The following NTSR2 variants were observed in gnomAD, a reference collection of about 807,000 sequenced individuals.
NTSR2 encodes neurotensin receptor 2.
In NTSR2, 22 loss-of-function variants were observed where a neutral mutation model predicts 24.1. The observed-to-expected ratio is 0.91, with a 90% CI of 0.65 to 1.30. The LOEUF (loss-of-function observed/expected upper bound fraction) is 1.30, where lower values mean the gene tolerates loss of function less well. NTSR2 is among the 50% of genes most tolerant of loss of function. NTSR2 has a pLI of 0.00. For synonymous variants in NTSR2, 291 were observed against 267.0 expected (o/e 1.09, Z -0.88); for missense variants, 570 against 570.4 (o/e 1.00, Z 0.01).
intron 2 of NTSR2, among the ~76,000 whole-genome samples, chr2:11,660,557 GGT>G (rs1017055360): frequency 1.3e-5 from 2 of 152,198 alleles, no homozygotes; most frequent in Middle Eastern, 3.2e-3. Flanking sequence ...GTTGAGGTCA[GGT>G]GTTTGAGACC....
chr2:11,660,077 T>G lies in NTSR2; in HGVS notation c.955A>C (p.Met319Leu). Reference sequence around the variant, plus strand: ...GCGTCATCAGGTACGTAGCAGTACATGAGCCTGCGGGCATGGTACGGCAGC... The same window carrying G: ...GCGTCATCAGGTACGTAGCAGTACAGGAGCCTGCGGGCATGGTACGGCAGC... The part of the protein sequence containing the change: ...CWLPYHARRL[M>L]YCYVPDDAWT... The change falls in exon 3 of 4, where the codon ATG (methionine) becomes CTG (leucine). Residue 319 changes from methionine (M) to leucine (L), a missense_variant. Coordinates refer to ENST00000306928, the MANE Select transcript of NTSR2 (RefSeq NM_012344.4). The G allele has an allele frequency of 1.2e-6, 2 of 1,613,956 alleles. No homozygotes were observed. The highest frequency in any genetic ancestry group is 1.7e-6 in the Non-Finnish European group (2 of 1,180,000).
At chr2:11,661,079 C>T (rs1661061863) in intron 2 of NTSR2, among the ~76,000 whole-genome samples, 1 of 152,278 alleles carries the variant, frequency 6.6e-6, no homozygotes, top group East Asian at 1.9e-4. Flanking sequence ...CAGGGTAGCC[C>T]CTGGACCAGC....
At chr2:11,668,393 A>G (rs545844217) in intron 1 of NTSR2, among the ~76,000 whole-genome samples, 2 of 152,286 alleles carry the variant, frequency 1.3e-5, no homozygotes, top group South Asian at 4.1e-4. Context: ...TTCCATCTGC[A>G]GGAAGCAGCT....
intron 1 of NTSR2, among the ~76,000 whole-genome samples, chr2:11,666,677 G>A (rs1019822143): frequency 1.3e-5 from 2 of 152,176 alleles, no homozygotes; most frequent in Non-Finnish European, 2.9e-5. Flanking sequence ...CCAGCCTGGC[G>A]ACAGAGTGAG....
rs745533813 is a variant in NTSR2, at chr2:11,658,592, T to C, written c.1120A>G (p.Ser374Gly). The C allele has an allele frequency of 1.2e-6, 2 of 1,614,194 alleles. No homozygotes were observed. Among genetic ancestry groups the C allele is most frequent in the South Asian group, 1.1e-5 (1 of 91,068 alleles). ...SFRKLFLEAV[S>G]SLCGEHHPMK... Reference sequence around the variant, plus strand: ...GGGTGGTGCTCTCCACACAGGGAGCTGACGGCTTCCAGGAAGAGTTTTCTG... The same window carrying C: ...GGGTGGTGCTCTCCACACAGGGAGCCGACGGCTTCCAGGAAGAGTTTTCTG... The change falls in exon 4 of 4, where the codon AGC (serine) becomes GGC (glycine). Residue 374 changes from serine (S) to glycine (G), a missense_variant. Coordinates refer to ENST00000306928, the MANE Select transcript of NTSR2 (RefSeq NM_012344.4).
intron 3 of NTSR2, 125 bp from the exon 4 acceptor site, chr2:11,658,847 G>A: frequency 8.8e-7 from 1 of 1,141,862 alleles, no homozygotes; most frequent in Non-Finnish European, 1.2e-6. Flanking sequence ...CTATCAGGAA[G>A]CACAGTGTTT....
In NTSR2 at chr2:11,670,157, C is replaced by A; in HGVS notation, c.-28G>T. On this transcript the variant is annotated 5_prime_UTR_variant, in exon 1 of 4. The change creates a new upstream start codon in the 5' untranslated region. Coordinates refer to ENST00000306928, the MANE Select transcript of NTSR2 (RefSeq NM_012344.4). ...CGCTCCCGCGGCCGGCGCTCCCTCC[C>A]TCTCACTGCCCGGAGTCTGGGCGAG... 7.3e-7 allele frequency: 1 copy of A among 1,360,898 alleles called. No individual in the cohort carries two copies. Among genetic ancestry groups the A allele is most frequent in the South Asian group, 1.8e-5 (1 of 54,860 alleles). The allele number at this position is 1,360,898 out of a possible 1,614,324, so 84.3% of individuals were successfully genotyped here. A position where few individuals can be genotyped will look rare whatever the true frequency, so the allele number is the denominator to read the frequency against.
chr2:11,659,635 T>G (rs1277278605), intron 3 of NTSR2, among the ~76,000 whole-genome samples: 16 of 152,176 alleles, frequency 1.1e-4, no homozygotes. Context: ...AGGGGGTGCA[T>G]GTCTTGGTCT....
intron 1 of NTSR2, 50 bp downstream of exon 1, chr2:11,669,456 C>CCCCGGGGCGGGGGGGGGG: frequency 3.0e-6 from 1 of 331,924 alleles, no homozygotes; most frequent in Non-Finnish European, 5.4e-6. Context: ...CTCCTCCCAG[C>CCCCGGGGCGGGGGGGGGG]ACCGCCCCCC....
At position 11,662,206 on chromosome 2, in the gene NTSR2, G is replaced by A. The variant is rs746312529; in HGVS notation, c.659C>T (p.Ala220Val). 1 of 1,551,114 alleles carries A rather than the reference G, an allele frequency of 6.4e-7. No individual in the cohort carries two copies. The highest frequency in any genetic ancestry group is 8.7e-7 in the Non-Finnish European group (1 of 1,148,086). ...GACCCCATTCAGGAAAGCAGTTAGT[G>A]CCAAGGGGAGCACGAAGGACACCAG... is the stretch of plus-strand genomic sequence containing the variant. Reference protein sequence around the residue: ...NVLVSFVLPLALTAFLNGVTV... With the variant: ...NVLVSFVLPLVLTAFLNGVTV... Residue 220 changes from alanine to valine, a missense_variant, in exon 2 of 4, where the codon GCA (alanine) becomes GTA (valine). Ala to Val is a moderately conservative substitution (Grantham distance 64). Transcript: ENST00000306928.
chr2:11,669,459 C>CGGGGGGGGGGGGGGGGGGGGGGGGGGGG, intron 1 of NTSR2, 47 bp downstream of exon 1: 5 of 337,892 alleles, frequency 1.5e-5, no homozygotes, highest in East Asian at 4.3e-5. Flanking sequence ...CTCCCAGCAC[C>CGGGGGGGGGGGGGGGGGGGGGGGGGGGG]GCCCCCCCAC....
intron 1 of NTSR2, among the ~76,000 whole-genome samples, chr2:11,667,110 T>A (rs187758110): frequency 6.6e-6 from 1 of 152,292 alleles, no homozygotes; most frequent in Admixed American, 6.5e-5. Context: ...CAGAGGCCTC[T>A]TTCTGAGTCT....
Position 11,658,553 on chromosome 2 carries a change from G to A in NTSR2, c.1159C>T (p.Pro387Ser), listed in dbSNP as rs773177188. 1.8e-5 allele frequency: 29 copies of A among 1,614,108 alleles called. No individual in the cohort carries two copies. The highest frequency in any genetic ancestry group is 4.4e-5 in the South Asian group (4 of 91,086). The change falls in exon 4 of 4, where the codon CCC becomes TCC. Residue 387 changes from proline (P) to serine (S), a missense_variant. Transcript: ENST00000306928. ...AGGGTGGGACTCTGGGGCTTCGGGG[G>A]TAACCGCTTCATGGGGTGGTGCTCT... ...CGEHHPMKRL[P>S]PKPQSPTLMD...
At chr2:11,658,825 G>T in intron 3 of NTSR2, 103 bp from the exon 4 acceptor site, 1 of 1,330,508 alleles carries the variant, frequency 7.5e-7, no homozygotes, top group Non-Finnish European at 1.0e-6. Context: ...GCATGACGAA[G>T]CCTATTTTCT....
At position 11,669,507 on chromosome 2, in the gene NTSR2, T is replaced by C; in HGVS notation, c.623A>G (p.Gln208Arg). The C allele has an allele frequency of 4.2e-6, 4 of 955,510 alleles. No homozygotes were observed. The highest frequency in any genetic ancestry group is 7.0e-5 in the Admixed American group (1 of 14,274). 59.2% of individuals were successfully genotyped at this position (955,510 alleles called of 1,614,324 possible). ...VSRTALQVFI[Q>R]VNVLVSFVLP... ...GACTCCCGCTCTCCACGCCCTTACCTGGATAAAGACTTGGAGCGCGGTGCG... is the reference window on the plus strand; with the variant it reads ...GACTCCCGCTCTCCACGCCCTTACCCGGATAAAGACTTGGAGCGCGGTGCG... The change falls in exon 1 of 4, where the codon CAG becomes CGG. Residue 208 changes from glutamine (Q) to arginine (R), a missense_variant and splice_region_variant. Coordinates refer to ENST00000306928, the MANE Select transcript of NTSR2 (RefSeq NM_012344.4).
At chr2:11,658,817 A>G (rs1015045585) in intron 3 of NTSR2, 95 bp from the exon 4 acceptor site, 2 of 1,391,284 alleles carry the variant, frequency 1.4e-6, no homozygotes, top group South Asian at 1.4e-5. Context: ...AGAGGGCTGC[A>G]TGACGAAGCC....
intron 1 of NTSR2, among the ~76,000 whole-genome samples, chr2:11,663,654 CAT>C (rs1278646229): frequency 7.2e-5 from 11 of 152,282 alleles, no homozygotes; most frequent in African/African-American, 2.6e-4. Context: ...AAATACTGAA[CAT>C]AAATTTAACC....
chr2:11,669,770 G>T lies in NTSR2; in HGVS notation c.360C>A (p.Tyr120Ter). 1 of 1,545,374 alleles carries T rather than the reference G, an allele frequency of 6.5e-7. No individual in the cohort carries two copies. Among genetic ancestry groups the T allele is most frequent in the Non-Finnish European group, 8.7e-7 (1 of 1,152,170 alleles). Residue 120 changes from tyrosine (Y) to a stop codon, truncating the protein, a stop_gained, in exon 1 of 4, where the codon TAC becomes TAA. Coordinates refer to ENST00000306928, the MANE Select transcript of NTSR2 (RefSeq NM_012344.4). LOFTEE classifies it high-confidence loss of function. The part of the protein sequence containing the change: ...GYYFVHELCA[Y>*]ATVLSVAGLS... ...GGCCTGCCACGCTCAGCACCGTGGCGTAGGCGCACAGCTCGTGCACGAAGT... is the reference window on the plus strand; with the variant it reads ...GGCCTGCCACGCTCAGCACCGTGGCTTAGGCGCACAGCTCGTGCACGAAGT...
At position 11,668,772 on chromosome 2, in the gene NTSR2, T is replaced by C. The variant is rs189210535; in HGVS notation, c.624+734A>G. Among the ~76,000 whole-genome samples the C allele has an allele frequency of 1.6e-3, 242 of 152,306 alleles. 2 individuals are homozygous for C. The highest frequency in any genetic ancestry group is 5.7e-3 in the African/African-American group (237 of 41,576). On this transcript the variant is annotated intron_variant, in intron 1 of 3. Coordinates refer to ENST00000306928, the MANE Select transcript of NTSR2 (RefSeq NM_012344.4). Reference sequence around the variant, plus strand: ...AGACAGACACTTCGAAAGGTGAGCATCACTTTCAGAAAATGCATTGTGAAG... The same window carrying C: ...AGACAGACACTTCGAAAGGTGAGCACCACTTTCAGAAAATGCATTGTGAAG...
Sources: allele counts gnomAD v4.1 joint callset (sites outside exome capture counted in the v4.1 genomes callset), GRCh38; gene constraint gnomAD v4.1.1; transcripts MANE v1.5; gene names NCBI Gene and HGNC (gene_info 2026-07-23, HGNC 2026-07-21).